Variants in CDC5L observed in about 807,000 individuals in gnomAD.
The protein encoded by CDC5L is cell division cycle 5-like protein.
In CDC5L, 18 loss-of-function variants were observed where a neutral mutation model predicts 104.1. The ratio of observed to expected loss-of-function variants is 0.17; its 90% CI spans 0.12 to 0.26. CDC5L has a LOEUF of 0.26. Among genes scored for constraint, CDC5L ranks in the 10% least tolerant of loss-of-function variants. CDC5L has a pLI of 1.00. For missense variants in CDC5L, 673 were observed against 956.9 expected (o/e 0.70, Z 3.91); for synonymous variants, 331 against 322.7 (o/e 1.03, Z -0.28).
intron 4 of CDC5L, among the ~76,000 whole-genome samples, chr6:44,395,233 T>C (rs1790817016): frequency 6.6e-6 from 1 of 152,248 alleles, no homozygotes; most frequent in Non-Finnish European, 1.5e-5. Context: ...AGCAACAGTG[T>C]ATTACATATT....
chr6:44,401,196 C>A (rs1222768406), intron 5 of CDC5L, among the ~76,000 whole-genome samples: 1 of 152,044 alleles, frequency 6.6e-6, no homozygotes, highest in Non-Finnish European at 1.5e-5. Flanking sequence ...CTGCTTCTTC[C>A]CCAGGGCTCT....
chr6:44,433,473 G>T (rs1395888119), intron 14 of CDC5L, among the ~76,000 whole-genome samples: 1 of 152,178 alleles, frequency 6.6e-6, no homozygotes, highest in African/African-American at 2.4e-5. Context: ...TGAGAAGTCT[G>T]AATTTAGGCA....
intron 5 of CDC5L, among the ~76,000 whole-genome samples, chr6:44,400,647 C>G (rs1791079226): frequency 6.6e-6 from 1 of 152,150 alleles, no homozygotes; most frequent in Non-Finnish European, 1.5e-5. Flanking sequence ...CTCCCAAAGT[C>G]CTGGGATTAC....
intron 10 of CDC5L, among the ~76,000 whole-genome samples, chr6:44,423,446 C>CG (rs1792281123): frequency 6.6e-6 from 1 of 152,148 alleles, no homozygotes; most frequent in South Asian, 2.1e-4. Flanking sequence ...CAGTACTAAA[C>CG]TAAGTCCAAA....
At position 44,442,252 on chromosome 6, in the gene CDC5L, T is replaced by C. The variant is rs146618674; in HGVS notation, c.2092-3403T>C. On this transcript the variant is annotated intron_variant, in intron 14 of 15. Coordinates refer to ENST00000371477, the MANE Select transcript of CDC5L (RefSeq NM_001253.4). ...GCCTGGCCTACTCTATGCCTTTTGA[T>C]TGGGGAATGTAATCCATTTACAGAG... is the stretch of plus-strand genomic sequence containing the variant. Among the ~76,000 whole-genome samples, 14 of 152,240 alleles carry C rather than the reference T, an allele frequency of 9.2e-5. No individual in the cohort carries two copies. In the East Asian group the frequency reaches 2.7e-3, roughly 29 times the overall value.
chr6:44,421,341 G>A (rs989539669), intron 9 of CDC5L, among the ~76,000 whole-genome samples: 5 of 152,158 alleles, frequency 3.3e-5, no homozygotes, highest in African/African-American at 1.2e-4. Context: ...AAATGTTATG[G>A]AAGCATGTAG....
chr6:44,441,356 ATG>A (rs1793179397), intron 14 of CDC5L, among the ~76,000 whole-genome samples: 1 of 152,238 alleles, frequency 6.6e-6, no homozygotes, highest in Non-Finnish European at 1.5e-5. Flanking sequence ...ATTCCGTTTT[ATG>A]TGTATACCAT....
chr6:44,405,722 CATT>C (rs986727653), intron 6 of CDC5L, among the ~76,000 whole-genome samples: 1 of 152,090 alleles, frequency 6.6e-6, no homozygotes, highest in African/African-American at 2.4e-5. Context: ...TAGTTTTTGA[CATT>C]ATGTGGAATG....
intron 6 of CDC5L, among the ~76,000 whole-genome samples, chr6:44,404,900 C>T (rs779192260): frequency 3.9e-5 from 6 of 151,986 alleles, no homozygotes; most frequent in Non-Finnish European, 8.8e-5. Context: ...GCCATGTTAT[C>T]CATGCTGGCC....
rs1317329540 is a variant in CDC5L, at chr6:44,447,602, C to T, written c.*891C>T. 1 of 152,148 alleles carries T rather than the reference C, an allele frequency of 6.6e-6. No homozygotes were observed. The highest frequency in any genetic ancestry group is 1.5e-5 in the Non-Finnish European group (1 of 68,026). The allele number at this position is 152,148 out of a possible 1,614,324, so 9.4% of individuals were successfully genotyped here. ...AGCAATGTTTTGACATCACCAAAAA[C>T]GTTTGCCCAGTCTTAGAATACTAGG... On this transcript the variant is annotated 3_prime_UTR_variant, in exon 16 of 16. Coordinates refer to ENST00000371477, the MANE Select transcript of CDC5L (RefSeq NM_001253.4).
At chr6:44,416,132 G>A (rs1323218158) in intron 8 of CDC5L, among the ~76,000 whole-genome samples, 1 of 152,112 alleles carries the variant, frequency 6.6e-6, no homozygotes, top group Non-Finnish European at 1.5e-5. Context: ...TATCAGTCAA[G>A]ATTTAATTAA....
chr6:44,390,285 A>G lies in CDC5L; in HGVS notation c.63A>G (p.Ala21=), dbSNP rs1226022207. The part of the protein sequence containing the change: ...WRNTEDEILK[A]AVMKYGKNQW... ...TTTTTTAGGATGAAATTCTGAAAGC[A>G]GCGGTAATGAAATATGGGAAAAATC... Residue 21 remains alanine (A), a synonymous_variant, in exon 2 of 16, where the codon GCA becomes GCG. Coordinates refer to ENST00000371477, the MANE Select transcript of CDC5L (RefSeq NM_001253.4). 1 of 1,612,542 alleles carries G rather than the reference A, an allele frequency of 6.2e-7. No individual in the cohort carries two copies.
At chr6:44,428,051 G>A (rs1213142785) in intron 13 of CDC5L, among the ~76,000 whole-genome samples, 1 of 152,146 alleles carries the variant, frequency 6.6e-6, no homozygotes, top group Non-Finnish European at 1.5e-5. Flanking sequence ...ATTTGAAGCA[G>A]CTATTTAGTT....
chr6:44,429,592 A>T, intron 13 of CDC5L, 121 bp from the exon 14 acceptor site: 5 of 794,494 alleles, frequency 6.3e-6, no homozygotes, highest in Non-Finnish European at 1.0e-5. Context: ...CTTCCAAAAA[A>T]CAACCAACCA....
chr6:44,412,272 C>T (rs570532661), intron 8 of CDC5L, among the ~76,000 whole-genome samples: 1 of 151,438 alleles, frequency 6.6e-6, no homozygotes, highest in Non-Finnish European at 1.5e-5. Context: ...TCAGATGTCT[C>T]CACTTCTGTG....
At chr6:44,419,299 C>A in intron 8 of CDC5L, 150 bp from the exon 9 acceptor site, 1 of 657,180 alleles carries the variant, frequency 1.5e-6, no homozygotes, top group African/African-American at 1.8e-5. Flanking sequence ...TTGAAATCTG[C>A]CATGACTGGT....
At chr6:44,416,331 C>G (rs544440938) in intron 8 of CDC5L, among the ~76,000 whole-genome samples, 2 of 152,266 alleles carry the variant, frequency 1.3e-5, no homozygotes, top group South Asian at 4.1e-4. Flanking sequence ...GCATGGAAGT[C>G]TGGAGGGTTG....
chr6:44,424,496 A>G lies in CDC5L; in HGVS notation c.1482A>G (p.Leu494=), dbSNP rs140651892. Residue 494 remains leucine (L), a synonymous_variant, in exon 11 of 16, where the codon CTA becomes CTG. Coordinates refer to ENST00000371477, the MANE Select transcript of CDC5L (RefSeq NM_001253.4). ...PAPKNDFEIV[L]PENAEKELEE... is the part of the protein sequence containing the mutation. ...CTAAGAATGATTTTGAAATTGTTCT[A>G]CCAGAAAATGCCGAGAAGGAGCTGG... 1.2e-6 allele frequency: 2 copies of G among 1,613,934 alleles called. No homozygotes were observed. Among genetic ancestry groups the G allele is most frequent in the Non-Finnish European group, 1.7e-6 (2 of 1,179,862 alleles).
At position 44,441,820 on chromosome 6, in the gene CDC5L, A is replaced by G. The variant is rs144848529; in HGVS notation, c.2092-3835A>G. On this transcript the variant is annotated intron_variant, in intron 14 of 15. Transcript: ENST00000371477. ...TTAAAAATAGGGTTACTTGTTTTTTATTGAGTAGTTTGAATTTTTTTGTTT... is the reference window on the plus strand; with the variant it reads ...TTAAAAATAGGGTTACTTGTTTTTTGTTGAGTAGTTTGAATTTTTTTGTTT... Among the ~76,000 whole-genome samples the G allele has an allele frequency of 7.8e-3, 1,178 of 150,456 alleles. 8 individuals carry two copies. Among genetic ancestry groups the G allele is most frequent in the Non-Finnish European group, 0.013 (858 of 67,638 alleles).
Sources: allele counts gnomAD v4.1 joint callset (sites outside exome capture counted in the v4.1 genomes callset), GRCh38; gene constraint gnomAD v4.1.1; transcripts MANE v1.5; gene names NCBI Gene and HGNC (gene_info 2026-07-23, HGNC 2026-07-21).